ESF1: variants seen among roughly 807,000 people sequenced by gnomAD.
The protein encoded by ESF1 is ESF1 homolog.
A neutral mutation model predicts 92.0 loss-of-function variants in ESF1; 58 were observed. The ratio of observed to expected loss-of-function variants is 0.63; its 90% confidence interval spans 0.51 to 0.78. The LOEUF (loss-of-function observed/expected upper bound fraction) is 0.78. ESF1 is among the 30% of genes least tolerant of loss of function. ESF1 has a pLI of 0.00. For missense variants in ESF1, 922 were observed against 989.1 expected, an observed-to-expected ratio of 0.93 and a Z score of 0.91; for synonymous variants, 321 against 313.7, an observed-to-expected ratio of 1.02 and a Z score of -0.24.
At chr20:13,720,437 A>C (rs1326925640) in intron 11 of ESF1, among the ~76,000 whole-genome samples, 1 of 152,186 alleles carries the variant, frequency 6.6e-6, no homozygotes, top group Admixed American at 6.5e-5. Context: ...TTGCCTATGA[A>C]GTATGCTTGC....
At chr20:13,735,601 T>C (rs375787619) in intron 9 of ESF1, among the ~76,000 whole-genome samples, 2 of 152,288 alleles carry the variant, frequency 1.3e-5, no homozygotes, top group African/African-American at 2.4e-5. Flanking sequence ...AAATAATTTA[T>C]GTATTCTGCC....
At position 13,728,516 on chromosome 20, in the gene ESF1, A is replaced by G. The variant is rs763909950; in HGVS notation, c.1951-51T>C. ...AAATTTCATTATTACAAGAATTATA[A>G]TAAATGTATACCAAGAAAAACTATG... On this transcript the variant is annotated intron_variant, in intron 10 of 13. Transcript: ENST00000617257. 1.8e-5 allele frequency: 23 copies of G among 1,307,700 alleles called. No individual in the cohort carries two copies. In the South Asian group the frequency reaches 2.9e-4, roughly 17 times the overall value. 81.0% of individuals were successfully genotyped at this position (1,307,700 alleles called of 1,614,324 possible).
chr20:13,734,814 A>T (rs1340163721), intron 9 of ESF1, among the ~76,000 whole-genome samples: 17 of 152,162 alleles, frequency 1.1e-4, no homozygotes, highest in Admixed American at 1.1e-3. Flanking sequence ...TCTCAGATAC[A>T]TTCTAAATTC....
chr20:13,735,490 C>T (rs2049970293), intron 9 of ESF1, among the ~76,000 whole-genome samples: 1 of 152,048 alleles, frequency 6.6e-6, no homozygotes, highest in Non-Finnish European at 1.5e-5. Context: ...ATGTTTAGAT[C>T]TCTGATTCAA....
In ESF1 at chr20:13,782,750, A is replaced by G; in HGVS notation, c.391T>C (p.Leu131=). ...TTTTTAATTCCTATAGAATTATCTA[A>G]ATCAGTTTTATTTTCAGAACCCTTG... is the stretch of plus-strand genomic sequence containing the variant. The part of the protein sequence containing the change: ...NHKGSENKTD[L]DNSIGIKKMK... The change falls in exon 2 of 14, where the codon TTA becomes CTA. Residue 131 remains leucine (L), a synonymous_variant. Coordinates refer to ENST00000617257, the MANE Select transcript of ESF1 (RefSeq NM_001276380.2). 1 of 1,595,722 alleles carries G rather than the reference A, an allele frequency of 6.3e-7. No homozygotes were observed. The highest frequency in any genetic ancestry group is 8.5e-7 in the Non-Finnish European group (1 of 1,175,102).
intron 9 of ESF1, among the ~76,000 whole-genome samples, chr20:13,757,806 A>G (rs75548321): frequency 7.1e-4 from 108 of 152,338 alleles, no homozygotes; most frequent in Non-Finnish European, 1.3e-3. Context: ...TATTTCTGAA[A>G]TATTTGCTAT....
intron 8 of ESF1, among the ~76,000 whole-genome samples, chr20:13,762,309 T>C (rs999702567): frequency 4.6e-5 from 7 of 152,210 alleles, no homozygotes; most frequent in African/African-American, 1.7e-4. Context: ...TTTTTTCCTG[T>C]TTGTGCTTTG....
intron 2 of ESF1, among the ~76,000 whole-genome samples, chr20:13,780,849 G>A (rs983391337): frequency 1.3e-5 from 2 of 152,160 alleles, no homozygotes; most frequent in Non-Finnish European, 2.9e-5. Flanking sequence ...GCAAACTAGA[G>A]CCAGCTGTCT....
chr20:13,716,361 C>T (rs551660158), intron 13 of ESF1, among the ~76,000 whole-genome samples: 1 of 152,128 alleles, frequency 6.6e-6, no homozygotes, highest in Non-Finnish European at 1.5e-5. Context: ...TGGCTTACTG[C>T]GCTGGCCACT....
chr20:13,781,693 C>G (rs2147452658), intron 2 of ESF1, among the ~76,000 whole-genome samples: 1 of 152,274 alleles, frequency 6.6e-6, no homozygotes, highest in East Asian at 1.9e-4. Flanking sequence ...GAGAGCATGC[C>G]TTTTTCTAAT....
intron 8 of ESF1, among the ~76,000 whole-genome samples, chr20:13,765,925 A>T (rs1979407540): frequency 6.6e-6 from 1 of 152,360 alleles, no homozygotes; most frequent in Admixed American, 6.5e-5. Context: ...TGAGTAAAAA[A>T]TATAAAAAGT....
Position 13,733,843 on chromosome 20 carries a change from C to G in ESF1, c.1829-1G>C, listed in dbSNP as rs763614012. ...ATCTCTTCTGCACTTTCTTTAAGACCTGAGGAAAAATCCAAATAGTTTAGC... is the reference window on the plus strand; with the variant it reads ...ATCTCTTCTGCACTTTCTTTAAGACGTGAGGAAAAATCCAAATAGTTTAGC... On this transcript the variant is annotated splice_acceptor_variant, in intron 9 of 13. Transcript: ENST00000617257. LOFTEE classifies it high-confidence loss of function. 5 of 1,597,734 alleles carry G rather than the reference C, an allele frequency of 3.1e-6. No homozygotes were observed. The South Asian group carries it at 4.6e-5, about 15-fold the overall frequency.
chr20:13,767,359 T>C (rs2092895573), intron 7 of ESF1, among the ~76,000 whole-genome samples: 9 of 151,952 alleles, frequency 5.9e-5, no homozygotes, highest in Admixed American at 5.9e-4. Flanking sequence ...AAACCCCATC[T>C]CTACATGAAA....
At position 13,776,100 on chromosome 20, in the gene ESF1, C is replaced by T. The variant is rs755033086; in HGVS notation, c.808G>A (p.Asp270Asn). The change falls in exon 3 of 14, where the codon GAT becomes AAT. Residue 270 changes from aspartate to asparagine, a missense_variant. Physicochemically the swap from Asp to Asn is conservative, Grantham distance 23. Coordinates refer to ENST00000617257, the MANE Select transcript of ESF1 (RefSeq NM_001276380.2). ...TCCTCTTCATCATCTTCACTTCCAT[C>T]GTCATCACCTGAAGCTCTACCAACA... ...TSVGRASGDD[D>N]GSEDDEEEDE... 3.7e-6 allele frequency: 6 copies of T among 1,613,756 alleles called. No homozygotes were observed. The East Asian group carries it at 6.7e-5, about 18-fold the overall frequency.
chr20:13,736,924 A>ACACC (rs2049979107), intron 9 of ESF1, among the ~76,000 whole-genome samples: 1 of 152,210 alleles, frequency 6.6e-6, no homozygotes, highest in South Asian at 2.1e-4. Context: ...ATGAATTCAC[A>ACACC]CACCACCATG....
Position 13,783,003 on chromosome 20 carries a change from C to T in ESF1, c.138G>A (p.Lys46=). ...TATCCACGGCATAGTTCAACTTGAA[C>T]TTCTTGTCATGAAACATGGCTCGAA... is the stretch of plus-strand genomic sequence containing the variant. The part of the protein sequence containing the change: ...KRFRAMFHDK[K]FKLNYAVDKR... The change falls in exon 2 of 14, where the codon AAG becomes AAA. Residue 46 remains lysine (K), a synonymous_variant. Coordinates refer to ENST00000617257, the MANE Select transcript of ESF1 (RefSeq NM_001276380.2). 6.2e-7 allele frequency: 1 copy of T among 1,614,108 alleles called. No individual in the cohort carries two copies. The highest frequency in any genetic ancestry group is 1.3e-5 in the African/African-American group (1 of 75,034).
Position 13,735,242 on chromosome 20 carries a change from C to G in ESF1, c.1829-1400G>C, listed in dbSNP as rs149821955. On this transcript the variant is annotated intron_variant, in intron 9 of 13. Coordinates refer to ENST00000617257, the MANE Select transcript of ESF1 (RefSeq NM_001276380.2). The stretch of plus-strand genomic sequence containing the variant: ...AGCTGAAACAGATCTCTAAGACCTT[C>G]CTTGGTTTTTAACCCAAGAATTAAT... 3.8e-3 allele frequency among the ~76,000 whole-genome samples: 575 copies of G among 152,218 alleles called. 3 individuals are homozygous for G. The highest frequency in any genetic ancestry group is 0.013 in the African/African-American group (527 of 41,530).
chr20:13,715,882 AG>A (rs1168638871), intron 13 of ESF1, among the ~76,000 whole-genome samples: 1 of 152,206 alleles, frequency 6.6e-6, no homozygotes, highest in East Asian at 1.9e-4. Flanking sequence ...AGTTATCACG[AG>A]GCCAAGGGAT....
intron 11 of ESF1, among the ~76,000 whole-genome samples, chr20:13,720,269 C>T (rs1288960554): frequency 6.6e-6 from 1 of 152,076 alleles, no homozygotes; most frequent in Non-Finnish European, 1.5e-5. Context: ...GGCTAACTAC[C>T]CATGAGAGCC....
Sources: allele counts gnomAD v4.1 joint callset (sites outside exome capture counted in the v4.1 genomes callset), GRCh38; gene constraint gnomAD v4.1.1; transcripts MANE v1.5; gene names NCBI Gene and HGNC (gene_info 2026-07-23, HGNC 2026-07-21).